Variants in CCDC158 observed in about 807,000 individuals in gnomAD.
The protein encoded by CCDC158 is coiled-coil domain-containing protein 158.
Under a neutral mutation model 138.6 loss-of-function variants are expected in CCDC158, and 116 were observed. The observed-to-expected ratio is 0.84, with a 90% CI of 0.72 to 0.98. The LOEUF (loss-of-function observed/expected upper bound fraction) is 0.98. CCDC158 is among the 50% of genes least tolerant of loss of function. The pLI, the probability that CCDC158 is intolerant of heterozygous loss-of-function variation, is 0.00. For synonymous variants in CCDC158, 436 were observed against 442.4 expected, an observed-to-expected ratio of 0.99 and a Z score of 0.18; for missense variants, 1,265 against 1,306.1, an observed-to-expected ratio of 0.97 and a Z score of 0.48.
chr4:76,385,828 T>G (rs933893594), intron 4 of CCDC158, among the ~76,000 whole-genome samples: 5 of 152,094 alleles, frequency 3.3e-5, no homozygotes, highest in African/African-American at 1.2e-4. Context: ...TACATTATGG[T>G]GGCATTTCAG....
rs1560455913 is a variant in CCDC158 at position 76,384,149 on chromosome 4, AT to A, written c.664del (p.Ile222LeufsTer5). 6 of 1,614,046 alleles carry A rather than the reference AT, an allele frequency of 3.7e-6. No individual in the cohort carries two copies. The Middle Eastern group carries it at 4.9e-4, about 133-fold the overall frequency. ...TLHFRSLGSA[I>X]SKILRELDTE... The stretch of plus-strand genomic sequence containing the variant: ...GTCTAATTCTCTTAGTATTTTACTA[AT>A]AGCTGAGCCCAAGCTGCGGAAGTGC... On this transcript the variant is annotated frameshift_variant, in exon 6 of 25. Coordinates refer to ENST00000682701, the MANE Select transcript of CCDC158 (RefSeq NM_001394954.1). LOFTEE classifies it high-confidence loss of function.
chr4:76,346,789 G>C (rs1722591778), intron 18 of CCDC158, among the ~76,000 whole-genome samples: 1 of 152,020 alleles, frequency 6.6e-6, no homozygotes, highest in African/African-American at 2.4e-5. Context: ...ATCTGACAAA[G>C]GGCTAATATC....
chr4:76,371,511 A>T lies in CCDC158; in HGVS notation c.1055T>A (p.Val352Asp). 6.2e-7 allele frequency: 1 copy of T among 1,614,180 alleles called. No homozygotes were observed. Among genetic ancestry groups the T allele is most frequent in the East Asian group, 2.2e-5 (1 of 44,884 alleles). Residue 352 changes from valine to aspartate, a missense_variant, in exon 10 of 25, where the codon GTC (valine) becomes GAC (aspartate). Coordinates refer to ENST00000682701, the MANE Select transcript of CCDC158 (RefSeq NM_001394954.1). The stretch of plus-strand genomic sequence containing the variant: ...TTCAGTTAGCTCTGAGTTGGCAAGG[A>T]CTAACTGCTTTTCCAGCTCTTCTGT... Reference protein sequence around the residue: ...DKTEELEKQLVLANSELTEAR... With the variant: ...DKTEELEKQLDLANSELTEAR...
chr4:76,329,762 T>C (rs1209002727), intron 21 of CCDC158, among the ~76,000 whole-genome samples: 1 of 152,150 alleles, frequency 6.6e-6, no homozygotes, highest in African/African-American at 2.4e-5. Context: ...GTTTGTGAGG[T>C]CAAAACTACT....
chr4:76,370,039 T>C (rs1332718959), intron 10 of CCDC158, among the ~76,000 whole-genome samples: 3 of 152,194 alleles, frequency 2.0e-5, no homozygotes, highest in Non-Finnish European at 4.4e-5. Flanking sequence ...GGCAGAATAG[T>C]GGCTGGTACT....
At chr4:76,388,072 C>A (rs1312293520) in intron 4 of CCDC158, among the ~76,000 whole-genome samples, 6 of 152,154 alleles carry the variant, frequency 3.9e-5, no homozygotes, top group African/African-American at 1.2e-4. Context: ...GAATAACCAG[C>A]AGTGATACCC....
intron 18 of CCDC158, among the ~76,000 whole-genome samples, chr4:76,339,042 C>T (rs1362826566): frequency 6.6e-6 from 1 of 152,018 alleles, no homozygotes; most frequent in African/African-American, 2.4e-5. Flanking sequence ...ATTCTCGAAG[C>T]CCTCTTTTTA....
At chr4:76,357,070 T>C (rs1181036716) in intron 14 of CCDC158, among the ~76,000 whole-genome samples, 1 of 152,214 alleles carries the variant, frequency 6.6e-6, no homozygotes, top group Non-Finnish European at 1.5e-5. Context: ...GTAACTTGTA[T>C]TTATATCCTT....
intron 18 of CCDC158, among the ~76,000 whole-genome samples, chr4:76,338,084 G>C (rs1721703427): frequency 6.6e-6 from 1 of 152,222 alleles, no homozygotes; most frequent in South Asian, 2.1e-4. Flanking sequence ...TCTCATAGGA[G>C]TGCGAACCCT....
intron 12 of CCDC158, among the ~76,000 whole-genome samples, chr4:76,366,774 T>A (rs1433939247): frequency 1.3e-5 from 2 of 152,154 alleles, no homozygotes; most frequent in African/African-American, 2.4e-5. Context: ...AATTATTAAG[T>A]TATTTAAATT....
intron 8 of CCDC158, among the ~76,000 whole-genome samples, chr4:76,381,170 G>A (rs1389089618): frequency 6.6e-6 from 1 of 152,218 alleles, no homozygotes; most frequent in Admixed American, 6.5e-5. Flanking sequence ...TCCCCACTGG[G>A]GCACTGCTTA....
intron 3 of CCDC158, among the ~76,000 whole-genome samples, chr4:76,397,754 A>G (rs1468062359): frequency 1.3e-5 from 2 of 152,250 alleles, no homozygotes; most frequent in African/African-American, 4.8e-5. Context: ...CTTCTAACTT[A>G]TGATTTTTAA....
At chr4:76,324,520 G>A (rs1005236279) in intron 23 of CCDC158, among the ~76,000 whole-genome samples, 1 of 152,014 alleles carries the variant, frequency 6.6e-6, no homozygotes, top group Non-Finnish European at 1.5e-5. Context: ...TAAAATATAG[G>A]TTTGATGAGT....
intron 12 of CCDC158, among the ~76,000 whole-genome samples, chr4:76,366,680 G>A (rs910994433): frequency 2.0e-5 from 3 of 149,514 alleles, no homozygotes; most frequent in African/African-American, 7.3e-5. Flanking sequence ...ATGTGAACCA[G>A]GTTTTAACAG....
chr4:76,327,573 A>G (rs1400354644), intron 22 of CCDC158, among the ~76,000 whole-genome samples: 2 of 152,194 alleles, frequency 1.3e-5, no homozygotes, highest in African/African-American at 4.8e-5. Flanking sequence ...GTCCAAATAT[A>G]GAAAAGGTAA....
intron 2 of CCDC158, among the ~76,000 whole-genome samples, chr4:76,411,197 T>A (rs1729267301): frequency 6.6e-6 from 1 of 152,146 alleles, no homozygotes; most frequent in African/African-American, 2.4e-5. Flanking sequence ...AGCCCAGGAT[T>A]TAGAGACCAG....
intron 15 of CCDC158, among the ~76,000 whole-genome samples, 181 bp downstream of exon 15, chr4:76,355,143 T>C (rs1411361185): frequency 1.3e-5 from 2 of 152,358 alleles, no homozygotes; most frequent in South Asian, 2.1e-4. Context: ...ACGTTTAAAA[T>C]AGTAGCTGTC....
At chr4:76,346,039 G>C (rs1722512996) in intron 18 of CCDC158, among the ~76,000 whole-genome samples, 1 of 152,102 alleles carries the variant, frequency 6.6e-6, no homozygotes, top group Non-Finnish European at 1.5e-5. Flanking sequence ...TACCAAAACA[G>C]ATATATAGAC....
In CCDC158 at chr4:76,403,136, A is replaced by G; in HGVS notation, c.70+2T>C. The G allele has an allele frequency of 1.3e-6, 2 of 1,596,874 alleles. No individual in the cohort carries two copies. Among genetic ancestry groups the G allele is most frequent in the Non-Finnish European group, 1.7e-6 (2 of 1,169,194 alleles). On this transcript the variant is annotated splice_donor_variant, in intron 3 of 24. Coordinates refer to ENST00000682701, the MANE Select transcript of CCDC158 (RefSeq NM_001394954.1). LOFTEE classifies it high-confidence loss of function. ...CCATTTTGTTTTATAAACAGCACAT[A>G]CCTCCATTAGATGTGACACCACTAC... is the stretch of plus-strand genomic sequence containing the variant.
Sources: allele counts gnomAD v4.1 joint callset (sites outside exome capture counted in the v4.1 genomes callset), GRCh38; gene constraint gnomAD v4.1.1; transcripts MANE v1.5; gene names NCBI Gene and HGNC (gene_info 2026-07-23, HGNC 2026-07-21).